The following CDC14B variants were observed in gnomAD, a reference collection of about 807,000 sequenced individuals.
CDC14B encodes cell division cycle 14B.
A neutral mutation model predicts 64.2 loss-of-function variants in CDC14B; 22 were observed. The ratio of observed to expected loss-of-function variants is 0.34; its 90% confidence interval spans 0.24 to 0.49. CDC14B has a LOEUF of 0.49. Among genes scored for constraint, CDC14B ranks in the 20% least tolerant of loss-of-function variants. CDC14B has a pLI of 0.99. For synonymous variants in CDC14B, 191 were observed against 215.8 expected (o/e 0.89, Z 1.01); for missense variants, 498 against 629.9 (o/e 0.79, Z 2.24).
intron 1 of CDC14B, among the ~76,000 whole-genome samples, chr9:96,571,179 ATTTTTT>A (rs60431469): frequency 6.8e-6 from 1 of 146,166 alleles, no homozygotes; most frequent in African/African-American, 2.5e-5. Context: ...CGAAAAAAAA[ATTTTTT>A]TTTTTTTTTG....
chr9:96,604,056 T>A (rs530341953), intron 1 of CDC14B, among the ~76,000 whole-genome samples: 1 of 151,994 alleles, frequency 6.6e-6, no homozygotes, highest in African/African-American at 2.4e-5. Flanking sequence ...GGACGAGGAG[T>A]TCCTGGAAAT....
Position 96,548,455 on chromosome 9 carries a change from T to C in CDC14B, c.497+3341A>G, listed in dbSNP as rs1423233791. Among the ~76,000 whole-genome samples the C allele has an allele frequency of 2.6e-5, 4 of 152,244 alleles. No homozygotes were observed. The East Asian group carries it at 5.8e-4, about 22-fold the overall frequency. On this transcript the variant is annotated intron_variant, in intron 5 of 13. Coordinates refer to ENST00000375241, the MANE Select transcript of CDC14B (RefSeq NM_033331.4). ...AGACCAGACACAGAGAAATATTTAA[T>C]ATAACTCAATAAGAAATCATATACA...
chr9:96,550,254 G>C (rs1021242047), intron 5 of CDC14B, among the ~76,000 whole-genome samples: 1 of 152,182 alleles, frequency 6.6e-6, no homozygotes, highest in African/African-American at 2.4e-5. Flanking sequence ...CTTAAGATGA[G>C]CCATGAGCTA....
At chr9:96,535,656 T>C (rs1839175169) in intron 7 of CDC14B, among the ~76,000 whole-genome samples, 1 of 152,180 alleles carries the variant, frequency 6.6e-6, no homozygotes, top group Non-Finnish European at 1.5e-5. Flanking sequence ...TACGTGTACC[T>C]AAAAATGAGT....
rs1844882255 is a variant in CDC14B at position 96,577,486 on chromosome 9, A to G, written c.161-12003T>C. 1.3e-5 allele frequency among the ~76,000 whole-genome samples: 2 copies of G among 152,072 alleles called. 1 individual carries two copies. Among genetic ancestry groups the G allele is most frequent in the South Asian group, 4.1e-4 (2 of 4,834 alleles). ...TCTCCCTCTATCACACCATTTTTCAAAAAAAATTAATTATTTCTGGATTAA... is the reference window on the plus strand; with the variant it reads ...TCTCCCTCTATCACACCATTTTTCAGAAAAAATTAATTATTTCTGGATTAA... On this transcript the variant is annotated intron_variant, in intron 1 of 13. Coordinates refer to ENST00000375241, the MANE Select transcript of CDC14B (RefSeq NM_033331.4).
intron 1 of CDC14B, among the ~76,000 whole-genome samples, chr9:96,584,782 T>C (rs1042669544): frequency 2.0e-5 from 3 of 152,160 alleles, no homozygotes; most frequent in Non-Finnish European, 4.4e-5. Context: ...GCCTCCCAAG[T>C]AGCTGGGATT....
intron 1 of CDC14B, among the ~76,000 whole-genome samples, chr9:96,592,231 C>T (rs1845831677): frequency 6.6e-6 from 1 of 152,116 alleles, no homozygotes; most frequent in East Asian, 1.9e-4. Context: ...GCACATGCCA[C>T]CACACCCAGC....
chr9:96,563,597 C>A (rs1286497473), intron 3 of CDC14B, among the ~76,000 whole-genome samples: 2 of 149,624 alleles, frequency 1.3e-5, no homozygotes, highest in East Asian at 2.0e-4. Flanking sequence ...TTATAGTGAG[C>A]CCAGATTGCT....
At chr9:96,607,417 T>C (rs1263908464) in intron 1 of CDC14B, among the ~76,000 whole-genome samples, 1 of 143,816 alleles carries the variant, frequency 7.0e-6, no homozygotes, top group Non-Finnish European at 1.5e-5. Context: ...TGATGTCTTT[T>C]TTTTTTTTTT....
intron 1 of CDC14B, among the ~76,000 whole-genome samples, chr9:96,596,375 A>C (rs1300435446): frequency 6.6e-6 from 1 of 151,030 alleles, no homozygotes; most frequent in Admixed American, 6.6e-5. Context: ...AAAAAAAAAA[A>C]AAAAACACAC....
chr9:96,506,029 G>A (rs1044130784), intron 13 of CDC14B, among the ~76,000 whole-genome samples: 8 of 152,208 alleles, frequency 5.3e-5, no homozygotes, highest in Admixed American at 2.6e-4. Context: ...CCAATTAAGC[G>A]CAAAGCGAGT....
At chr9:96,589,921 A>T (rs931593086) in intron 1 of CDC14B, among the ~76,000 whole-genome samples, 2 of 151,700 alleles carry the variant, frequency 1.3e-5, no homozygotes, top group Admixed American at 1.3e-4. Flanking sequence ...AGATTGCACC[A>T]CTGCACCCCA....
chr9:96,554,970 T>C (rs1200927839), intron 4 of CDC14B, among the ~76,000 whole-genome samples: 3 of 152,214 alleles, frequency 2.0e-5, no homozygotes, highest in Non-Finnish European at 2.9e-5. Flanking sequence ...CACTTGGCGT[T>C]TCTCAAATTC....
In CDC14B at chr9:96,502,778, G is replaced by A. The variant is rs1024307682; in HGVS notation, c.*975C>T. The stretch of plus-strand genomic sequence containing the variant: ...CATTGTCACTGAGATCGCAGGCCAC[G>A]TCAATGGCCTTAGGTGGATCTCATA... On this transcript the variant is annotated 3_prime_UTR_variant, in exon 14 of 14. Transcript: ENST00000375241. The A allele has an allele frequency of 1.5e-5, 6 of 397,470 alleles. No homozygotes were observed. The highest frequency in any genetic ancestry group is 2.2e-5 in the Non-Finnish European group (5 of 225,514). The allele number at this position is 397,470 out of a possible 1,614,324, so 24.6% of individuals were successfully genotyped here. A position where few individuals can be genotyped will look rare whatever the true frequency, so the allele number is the denominator to read the frequency against.
chr9:96,511,347 T>C (rs1834878893), intron 12 of CDC14B, among the ~76,000 whole-genome samples: 1 of 152,144 alleles, frequency 6.6e-6, no homozygotes, highest in African/African-American at 2.4e-5. Flanking sequence ...CCGAGGTGGT[T>C]GGATCACGAG....
intron 12 of CDC14B, 124 bp downstream of exon 12, chr9:96,522,382 C>T (rs1174726227): frequency 5.6e-6 from 4 of 713,826 alleles, no homozygotes; most frequent in Admixed American, 4.2e-5. Flanking sequence ...ATAACATAGG[C>T]AAGCATTTCA....
chr9:96,544,896 C>T (rs952253024), intron 5 of CDC14B, among the ~76,000 whole-genome samples: 2 of 152,116 alleles, frequency 1.3e-5, no homozygotes, highest in African/African-American at 2.4e-5. Context: ...TAAAAGGCCA[C>T]GATTTTACCA....
rs555373126 is a variant in CDC14B at position 96,598,334 on chromosome 9, T to C, written c.160+20885A>G. Among the ~76,000 whole-genome samples the C allele has an allele frequency of 2.0e-5, 3 of 152,318 alleles. No individual in the cohort carries two copies. The South Asian group carries it at 6.2e-4, about 32-fold the overall frequency. Reference sequence around the variant, plus strand: ...ACCTACTTTATTTGTGAAGTGTTTTTTGTTTGTTTTTTGTTTTTTTGAGAT... The same window carrying C: ...ACCTACTTTATTTGTGAAGTGTTTTCTGTTTGTTTTTTGTTTTTTTGAGAT... On this transcript the variant is annotated intron_variant, in intron 1 of 13. Transcript: ENST00000375241.
chr9:96,566,957 G>A (rs916513221), intron 1 of CDC14B: 1 of 1,482,102 alleles, frequency 6.7e-7, no homozygotes, highest in Non-Finnish European at 9.0e-7. Context: ...ACACCCCTCG[G>A]CGGCCCAACG....
Sources: gnomAD v4.1 joint callset for allele counts (sites outside exome capture counted in the v4.1 genomes callset) on GRCh38, gnomAD v4.1.1 for gene constraint, MANE v1.5 for transcripts, NCBI Gene and HGNC (gene_info 2026-07-23, HGNC 2026-07-21) for gene names.